The following IL1RN variants were observed in gnomAD, a reference collection of about 807,000 sequenced individuals.
IL1RN encodes interleukin-1 receptor antagonist protein.
Under a neutral mutation model 13.7 loss-of-function variants are expected in IL1RN, and 10 were observed. The ratio of observed to expected loss-of-function variants is 0.73; its 90% CI spans 0.45 to 1.24. The LOEUF is 1.24. IL1RN is among the 50% of genes most tolerant of loss of function. The probability of loss-of-function intolerance (pLI) is 0.00; values close to 1 mark genes in which losing one functional copy is unlikely to be tolerated. For synonymous variants in IL1RN, 102 were observed against 82.7 expected (o/e 1.23, Z -1.27); for missense variants, 213 against 222.1 (o/e 0.96, Z 0.26).
intron 1 of IL1RN, among the ~76,000 whole-genome samples, chr2:113,119,347 G>A (rs1005213437): frequency 2.0e-5 from 3 of 152,240 alleles, no homozygotes; most frequent in Non-Finnish European, 2.9e-5. Context: ...TGGATATAGA[G>A]AGATTAGATA....
upstream of IL1RN, among the ~76,000 whole-genome samples, chr2:113,116,234 A>G (rs1180199768): frequency 6.6e-6 from 1 of 152,226 alleles, no homozygotes; most frequent in Non-Finnish European, 1.5e-5. Flanking sequence ...ATGATGACAC[A>G]TCAGGCTATC....
chr2:113,110,216 C>T (rs1299602912), upstream of IL1RN, among the ~76,000 whole-genome samples: 1 of 152,192 alleles, frequency 6.6e-6, no homozygotes, highest in Non-Finnish European at 1.5e-5. Flanking sequence ...TGTTCTGGTC[C>T]GGCAGTAGTG....
At chr2:113,131,269 CCATGTGGTGG>C in intron 3 of IL1RN, 112 bp downstream of exon 3, 1 of 741,218 alleles carries the variant, frequency 1.3e-6, no homozygotes, top group Non-Finnish European at 2.5e-6. Context: ...TAGTTCTGTT[CCATGTGGTGG>C]AACATGCTGG....
intron 1 of IL1RN, among the ~76,000 whole-genome samples, chr2:113,119,393 G>A (rs1686691752): frequency 6.6e-6 from 1 of 152,204 alleles, no homozygotes; most frequent in South Asian, 2.1e-4. Flanking sequence ...ATAAGAGGAG[G>A]AGGTGGATTG....
At chr2:113,122,052 T>C (rs943184768) in intron 2 of IL1RN, among the ~76,000 whole-genome samples, 1 of 152,220 alleles carries the variant, frequency 6.6e-6, no homozygotes, top group Non-Finnish European at 1.5e-5. Flanking sequence ...ATATTGCCCA[T>C]ATTGTGTGGT....
At chr2:113,123,982 A>T (rs1030844733), upstream of IL1RN, among the ~76,000 whole-genome samples, 7 of 152,178 alleles carry the variant, frequency 4.6e-5, no homozygotes, top group Non-Finnish European at 1.0e-4. Context: ...TCAACATAAG[A>T]TGTGTCCCCT....
the IL1RN span, among the ~76,000 whole-genome samples, chr2:113,099,719 CTTTCT>C: frequency 0.018 from 1,439 of 79,664 alleles, 12 homozygotes; most frequent in South Asian, 0.033. Flanking sequence ...GCATCCTCTT[CTTTCT>C]TTTCTTTTTT....
At chr2:113,129,465 T>TG in intron 1 of IL1RN, 111 bp from the exon 2 acceptor site, 1 of 776,984 alleles carries the variant, frequency 1.3e-6, no homozygotes. Flanking sequence ...ACTATACCCC[T>TG]GGAAGAGCTG....
chr2:113,121,078 T>C (rs1665191), intron 2 of IL1RN, among the ~76,000 whole-genome samples: 178 of 35,262 alleles, frequency 5.0e-3, no homozygotes, highest in African/African-American at 7.6e-3. Context: ...CCTCCTCCTC[T>C]TCTTCTTCTT....
At chr2:113,127,074 CAG>C (rs1686987079), upstream of IL1RN, among the ~76,000 whole-genome samples, 1 of 152,212 alleles carries the variant, frequency 6.6e-6, no homozygotes, top group African/African-American at 2.4e-5. Context: ...GTGAAACAGA[CAG>C]CTGAGCTGAG....
intron 2 of IL1RN, among the ~76,000 whole-genome samples, chr2:113,121,051 T>C (rs1289614026): frequency 1.1e-3 from 142 of 128,646 alleles, no homozygotes; most frequent in African/African-American, 2.2e-3. Flanking sequence ...CTTCCTCTTC[T>C]TCTTCTTCCT....
At chr2:113,123,864 C>G (rs1477867983), upstream of IL1RN, among the ~76,000 whole-genome samples, 1 of 152,112 alleles carries the variant, frequency 6.6e-6, no homozygotes, top group Non-Finnish European at 1.5e-5. Flanking sequence ...AAAAAGGAAC[C>G]AAATGGAAAT....
upstream of IL1RN, among the ~76,000 whole-genome samples, chr2:113,109,599 T>C (rs1686459521): frequency 6.7e-6 from 1 of 148,910 alleles, no homozygotes; most frequent in Non-Finnish European, 1.5e-5. Flanking sequence ...AGTAAAGGGA[T>C]GGAAGAACAC....
At chr2:113,099,719 C>CCTTCTTTTTTTTTTTTTTT in the IL1RN span, among the ~76,000 whole-genome samples, 16 of 80,526 alleles carry the variant, frequency 2.0e-4, 3 homozygotes, top group Non-Finnish European at 2.6e-4. Flanking sequence ...GCATCCTCTT[C>CCTTCTTTTTTTTTTTTTTT]TTTCTTTTCT....
rs45507693 is a variant in IL1RN, at chr2:113,132,707, G to A, written c.370G>A (p.Ala124Thr). The A allele has an allele frequency of 1.4e-3, 2,190 of 1,614,232 alleles. 19 individuals are homozygous for A. The highest frequency in any genetic ancestry group is 0.012 in the Middle Eastern group (73 of 6,062). The change falls in exon 4 of 4, where the codon GCC becomes ACC. Residue 124 changes from alanine to threonine, a missense_variant. By Grantham distance (58) the Ala-to-Thr change is moderately conservative (BLOSUM62 0). Coordinates refer to ENST00000409930, the MANE Select transcript of IL1RN (RefSeq NM_173842.3). ...SENRKQDKRFAFIRSDSGPTT... is the reference protein window; with the variant it reads ...SENRKQDKRFTFIRSDSGPTT... ...GAACAGAAAGCAGGACAAGCGCTTC[G>A]CCTTCATCCGCTCAGACAGTGGCCC...
chr2:113,107,851 T>A (rs1352709090), upstream of IL1RN, among the ~76,000 whole-genome samples: 2 of 152,112 alleles, frequency 1.3e-5, no homozygotes, highest in Non-Finnish European at 2.9e-5. Context: ...CTTTTTAAAA[T>A]TTTTTTTGGG....
At chr2:113,106,029 C>T (rs970723549), upstream of IL1RN, among the ~76,000 whole-genome samples, 3 of 152,182 alleles carry the variant, frequency 2.0e-5, no homozygotes, top group African/African-American at 7.2e-5. Context: ...TTCCTATTTT[C>T]TGCTAATTCA....
chr2:113,128,441 T>A (rs1264730431), intron 1 of IL1RN, among the ~76,000 whole-genome samples: 1 of 152,120 alleles, frequency 6.6e-6, no homozygotes, highest in Non-Finnish European at 1.5e-5. Flanking sequence ...CACTCTGACC[T>A]TTATGTTTGT....
At chr2:113,102,203 T>A in the IL1RN span, among the ~76,000 whole-genome samples, 281 of 152,358 alleles carry the variant, frequency 1.8e-3, 3 homozygotes, top group African/African-American at 5.9e-3. Context: ...TCTCAGATCA[T>A]CCACTTGCTG....
Sources: allele counts gnomAD v4.1 joint callset (sites outside exome capture counted in the v4.1 genomes callset), GRCh38; gene constraint gnomAD v4.1.1; transcripts MANE v1.5; gene names NCBI Gene and HGNC (gene_info 2026-07-23, HGNC 2026-07-21).